The following RALGPS1 variants were observed in gnomAD, a reference collection of about 807,000 sequenced individuals.
The protein encoded by RALGPS1 is Ral GEF with PH domain and SH3 binding motif 1.
Under a neutral mutation model 78.8 loss-of-function variants are expected in RALGPS1, and 19 were observed. The ratio of observed to expected loss-of-function variants is 0.24; its 90% confidence interval spans 0.17 to 0.35. The LOEUF is 0.35. RALGPS1 is among the 10% of genes least tolerant of loss of function. RALGPS1 has a pLI of 1.00. For synonymous variants in RALGPS1, 228 were observed against 256.3 expected (o/e 0.89, Z 1.06); for missense variants, 454 against 688.3 (o/e 0.66, Z 3.81).
At chr9:126,923,204 A>T (rs1564256676) in intron 1 of RALGPS1, among the ~76,000 whole-genome samples, 1 of 152,218 alleles carries the variant, frequency 6.6e-6, no homozygotes, top group Non-Finnish European at 1.5e-5. Flanking sequence ...ACACTTAAAA[A>T]GGTCTCTTCA....
At chr9:127,155,969 T>G (rs1187406608) in intron 8 of RALGPS1, among the ~76,000 whole-genome samples, 1 of 152,068 alleles carries the variant, frequency 6.6e-6, no homozygotes, top group Non-Finnish European at 1.5e-5. Context: ...TAAAATTGTA[T>G]AAAGCAGAAA....
chr9:127,121,993 C>T (rs1264838510), intron 8 of RALGPS1, among the ~76,000 whole-genome samples: 1 of 152,228 alleles, frequency 6.6e-6, no homozygotes, highest in East Asian at 1.9e-4. Flanking sequence ...CCTACACACA[C>T]GCACACTCCC....
chr9:127,085,873 A>G (rs528516948), intron 8 of RALGPS1, among the ~76,000 whole-genome samples: 1 of 152,290 alleles, frequency 6.6e-6, no homozygotes, highest in Admixed American at 6.5e-5. Context: ...GCCAAGATTA[A>G]GATATTTTCC....
Position 127,188,832 on chromosome 9 carries a change from T to TTAAAAAAA in RALGPS1, c.911-6259_911-6258insTAAAAAAA, listed in dbSNP as rs756481918. On this transcript the variant is annotated intron_variant, in intron 11 of 18. Coordinates refer to ENST00000259351, the MANE Select transcript of RALGPS1 (RefSeq NM_014636.3). The stretch of plus-strand genomic sequence containing the variant: ...AAAGACTAAGAAACCCCATCTCTAC[T>TTAAAAAAA]AAAAAAAAAAAAAAAAATGTAGCCA... Among the ~76,000 whole-genome samples, 444 of 87,384 alleles carry TTAAAAAAA rather than the reference T, an allele frequency of 5.1e-3. 76 individuals are homozygous for TTAAAAAAA. The highest frequency in any genetic ancestry group is 0.023 in the East Asian group (55 of 2,436). The allele number at this position is 87,384 out of a possible 152,430, so 57.3% of individuals were successfully genotyped here.
At chr9:127,147,853 G>A (rs1467219491) in intron 8 of RALGPS1, among the ~76,000 whole-genome samples, 1 of 152,198 alleles carries the variant, frequency 6.6e-6, no homozygotes, top group Non-Finnish European at 1.5e-5. Flanking sequence ...TACTATTGGT[G>A]TATTAAAGGC....
At chr9:127,070,233 A>G (rs1172538454) in intron 8 of RALGPS1, among the ~76,000 whole-genome samples, 2 of 152,198 alleles carry the variant, frequency 1.3e-5, no homozygotes, top group African/African-American at 4.8e-5. Flanking sequence ...CTGATCTGAC[A>G]GTGGGTGGAG....
At chr9:127,108,603 C>T (rs1036844533) in intron 8 of RALGPS1, 1 of 1,613,650 alleles carries the variant, frequency 6.2e-7, no homozygotes, top group Admixed American at 1.7e-5. Flanking sequence ...CCCGCTTGTA[C>T]CTGTTTAGGT....
intron 4 of RALGPS1, among the ~76,000 whole-genome samples, chr9:127,027,398 T>C (rs1486546550): frequency 6.6e-6 from 1 of 152,226 alleles, no homozygotes; most frequent in Non-Finnish European, 1.5e-5. Flanking sequence ...CTTCTCCCTT[T>C]TGAAACTTGT....
intron 8 of RALGPS1, among the ~76,000 whole-genome samples, chr9:127,086,328 T>G (rs1443999452): frequency 6.6e-6 from 1 of 152,126 alleles, no homozygotes; most frequent in East Asian, 1.9e-4. Flanking sequence ...CAATATGGAG[T>G]CAATTTATAT....
At chr9:126,934,644 T>G (rs975209968) in intron 1 of RALGPS1, among the ~76,000 whole-genome samples, 2 of 152,212 alleles carry the variant, frequency 1.3e-5, no homozygotes, top group Non-Finnish European at 2.9e-5. Flanking sequence ...TTTTCTCTAT[T>G]GGTTCTCCTG....
intron 8 of RALGPS1, among the ~76,000 whole-genome samples, chr9:127,085,003 C>A (rs894268075): frequency 6.6e-6 from 1 of 152,184 alleles, no homozygotes; most frequent in African/African-American, 2.4e-5. Flanking sequence ...CTTGAACCTC[C>A]TAAGAGTGTC....
At chr9:127,144,722 G>A (rs2057998038) in intron 8 of RALGPS1, among the ~76,000 whole-genome samples, 1 of 152,186 alleles carries the variant, frequency 6.6e-6, no homozygotes, top group East Asian at 1.9e-4. Context: ...CCTTGAAAAC[G>A]CTAAGTGAAA....
chr9:126,985,536 A>C (rs1020620455), intron 4 of RALGPS1, among the ~76,000 whole-genome samples: 8 of 152,154 alleles, frequency 5.3e-5, no homozygotes, highest in Admixed American at 4.6e-4. Flanking sequence ...TACAGTGACA[A>C]TTTTGGTTCC....
intron 4 of RALGPS1, among the ~76,000 whole-genome samples, chr9:127,020,585 A>G (rs954725136): frequency 6.6e-6 from 1 of 152,270 alleles, no homozygotes; most frequent in African/African-American, 2.4e-5. Context: ...ATGTGTGTAT[A>G]TCACAGGAAT....
At chr9:127,125,174 A>T (rs1013763320) in intron 8 of RALGPS1, among the ~76,000 whole-genome samples, 1 of 152,226 alleles carries the variant, frequency 6.6e-6, no homozygotes, top group African/African-American at 2.4e-5. Context: ...AGAAAATGAA[A>T]TAAGATGTGA....
At chr9:127,053,003 C>A in intron 7 of RALGPS1, 64 bp downstream of exon 7, 1 of 1,109,026 alleles carries the variant, frequency 9.0e-7, no homozygotes, top group Non-Finnish European at 1.4e-6. Context: ...GTTCTTCATT[C>A]CACAAGCCCC....
chr9:126,925,405 G>A lies in RALGPS1; in HGVS notation c.-66+10430G>A, dbSNP rs545149266. 2.0e-5 allele frequency among the ~76,000 whole-genome samples: 3 copies of A among 151,680 alleles called. 1 individual carries two copies. The highest frequency in any genetic ancestry group is 4.2e-4 in the South Asian group (2 of 4,814). ...TCACTAAAAATACAAAAAATTAGCCGGGCATGGTGGCACGTGCCTTTAATC... is the reference window on the plus strand; with the variant it reads ...TCACTAAAAATACAAAAAATTAGCCAGGCATGGTGGCACGTGCCTTTAATC... On this transcript the variant is annotated intron_variant, in intron 1 of 18. Transcript: ENST00000259351.
intron 1 of RALGPS1, among the ~76,000 whole-genome samples, chr9:126,956,255 T>C (rs1171506728): frequency 1.3e-5 from 2 of 152,102 alleles, no homozygotes; most frequent in Non-Finnish European, 2.9e-5. Context: ...AGGGCGGGGC[T>C]AGGCCAGGCT....
intron 11 of RALGPS1, chr9:127,178,031 TG>T: frequency 6.6e-7 from 1 of 1,504,014 alleles, no homozygotes; most frequent in Non-Finnish European, 8.9e-7. Context: ...GAGGCACCCA[TG>T]GGCCGGCCCA....
Sources: allele counts gnomAD v4.1 joint callset (sites outside exome capture counted in the v4.1 genomes callset), GRCh38; gene constraint gnomAD v4.1.1; transcripts MANE v1.5; gene names NCBI Gene and HGNC (gene_info 2026-07-23, HGNC 2026-07-21).